SCAF1: variants seen among roughly 807,000 people sequenced by gnomAD.
SCAF1 encodes splicing factor, arginine/serine-rich 19.
In SCAF1, 28 loss-of-function variants were observed where a neutral mutation model predicts 91.2. The observed-to-expected ratio is 0.31, with a 90% CI of 0.23 to 0.42. The LOEUF (loss-of-function observed/expected upper bound fraction) is 0.42. Among genes scored for constraint, SCAF1 ranks in the 10% least tolerant of loss-of-function variants. SCAF1 has a pLI of 1.00. For missense variants in SCAF1, 1,893 were observed against 1,872.1 expected (o/e 1.01, Z -0.21); for synonymous variants, 1,036 against 833.7 (o/e 1.24, Z -4.18).
chr19:49,642,162 C>T (rs1439463394), upstream of SCAF1: 1 of 152,322 alleles, frequency 6.6e-6, no homozygotes, highest in South Asian at 2.1e-4. The surrounding 1 kb of genome is among the most constrained non-coding windows in gnomAD (Gnocchi z 4.0). Flanking sequence ...TTAGCTCCGC[C>T]TCTCTCCTCC....
At chr19:49,654,580 A>T (rs1211080712) in intron 8 of SCAF1, 72 bp from the exon 9 acceptor site, 3 of 1,391,600 alleles carry the variant, frequency 2.2e-6, no homozygotes, top group Non-Finnish European at 3.0e-6. Flanking sequence ...TCAGCGTGGG[A>T]ACAGTGGGGT....
chr19:49,648,515 T>G lies in SCAF1; in HGVS notation c.478+1685T>G, dbSNP rs1391224183. Reference sequence around the variant, plus strand: ...CTCAAGCAATCCTCCTGCCTTGGCCTCTCAAACTGCTGAGATCACAGGCAT... The same window carrying G: ...CTCAAGCAATCCTCCTGCCTTGGCCGCTCAAACTGCTGAGATCACAGGCAT... On this transcript the variant is annotated intron_variant, in intron 6 of 10. Coordinates refer to ENST00000360565, the MANE Select transcript of SCAF1 (RefSeq NM_021228.3). Among the ~76,000 whole-genome samples the G allele has an allele frequency of 2.0e-5, 3 of 150,182 alleles. No individual in the cohort carries two copies. The East Asian group carries it at 5.9e-4, about 30-fold the overall frequency.
chr19:49,653,428 G>T lies in SCAF1; in HGVS notation c.3039G>T (p.Glu1013Asp). 6.5e-7 allele frequency: 1 copy of T among 1,549,406 alleles called. No homozygotes were observed. Among genetic ancestry groups the T allele is most frequent in the Non-Finnish European group, 8.7e-7 (1 of 1,146,928 alleles). ...CCTTCCTGCCCGAGGAGGCCACTGA[G>T]GAGGCTGGGGTCCGAGGTGGGGCGG... is the stretch of plus-strand genomic sequence containing the variant. ...EVSFLPEEAT[E>D]EAGVRGGAEE... Residue 1013 changes from glutamate to aspartate, a missense_variant, in exon 7 of 11, where the codon GAG (glutamate) becomes GAT (aspartate). This residue lies in a region of SCAF1 where 1,436 missense variants were observed against 1,306.8 expected (regional missense o/e 1.10). Transcript: ENST00000360565.
intron 9 of SCAF1, among the ~76,000 whole-genome samples, chr19:49,656,175 G>A (rs1411735652): frequency 3.1e-5 from 2 of 64,796 alleles, no homozygotes; most frequent in African/African-American, 2.2e-4. Flanking sequence ...AGGACCCCCT[G>A]GTCTACAGTG....
At position 49,651,033 on chromosome 19, in the gene SCAF1, C is replaced by A; in HGVS notation, c.644C>A (p.Pro215His). The A allele has an allele frequency of 1.3e-6, 1 of 777,330 alleles. No individual in the cohort carries two copies. Among genetic ancestry groups the A allele is most frequent in the South Asian group, 1.8e-5 (1 of 56,704 alleles). The allele number at this position is 777,330 out of a possible 1,614,324, so 48.2% of individuals were successfully genotyped here. ...TCCCCTCCCCCACCCCCACCGCCCCCTGCACCCCCAGCCCCACCTGCCCCC... is the reference window on the plus strand; with the variant it reads ...TCCCCTCCCCCACCCCCACCGCCCCATGCACCCCCAGCCCCACCTGCCCCC... ...SPSPPPPPPPPAPPAPPAPRF... is the reference protein window; with the variant it reads ...SPSPPPPPPPHAPPAPPAPRF... Residue 215 changes from proline (P) to histidine (H), a missense_variant, in exon 7 of 11, where the codon CCT becomes CAT. Pro to His is a moderately conservative substitution (Grantham distance 77). Coordinates refer to ENST00000360565, the MANE Select transcript of SCAF1 (RefSeq NM_021228.3).
rs899938938 is a variant in SCAF1, at chr19:49,642,811, G to A, written c.-7+569G>A. ...ATCAGGCCTAGAAGGAGTGTTCAAG[G>A]GCTAAGAAGTCATTTAGGGCCCCCT... On this transcript the variant is annotated intron_variant, in intron 1 of 10. Coordinates refer to ENST00000360565, the MANE Select transcript of SCAF1 (RefSeq NM_021228.3). The surrounding 1 kb of genome is among the most constrained non-coding windows in gnomAD (Gnocchi z 4.0). 7 of 152,212 alleles carry A rather than the reference G, an allele frequency of 4.6e-5. No homozygotes were observed. Among genetic ancestry groups the A allele is most frequent in the Non-Finnish European group, 1.5e-5 (1 of 68,040 alleles). 9.4% of individuals were successfully genotyped at this position (152,212 alleles called of 1,614,324 possible). A position where few individuals can be genotyped will look rare whatever the true frequency, so the allele number is the denominator to read the frequency against.
Position 49,657,758 on chromosome 19 carries a change from C to A in SCAF1, c.3619-3C>A, listed in dbSNP as rs772771384. 2 of 1,598,526 alleles carry A rather than the reference C, an allele frequency of 1.3e-6. No homozygotes were observed. Among genetic ancestry groups the A allele is most frequent in the Non-Finnish European group, 1.7e-6 (2 of 1,172,100 alleles). Reference sequence around the variant, plus strand: ...TCTTCCCCCGCTGTCGCCACCCCACCAGTATCTGAAGAAGCTGCACACGCA... The same window carrying A: ...TCTTCCCCCGCTGTCGCCACCCCACAAGTATCTGAAGAAGCTGCACACGCA... On this transcript the variant is annotated splice_region_variant and splice_polypyrimidine_tract_variant and intron_variant, in intron 9 of 10. Transcript: ENST00000360565.
At position 49,651,484 on chromosome 19, in the gene SCAF1, C is replaced by T. The variant is rs1206339336; in HGVS notation, c.1095C>T (p.Gly365=). 1 of 1,580,624 alleles carries T rather than the reference C, an allele frequency of 6.3e-7. No individual in the cohort carries two copies. Among genetic ancestry groups the T allele is most frequent in the East Asian group, 2.3e-5 (1 of 43,366 alleles). Residue 365 remains glycine (G), a synonymous_variant, in exon 7 of 11, where the codon GGC becomes GGT. Transcript: ENST00000360565. ...CCGAGGCAGAGGCTTGTCGGGAAGGCAAGGTCTCGGTGGAGGTGGTGACCG... is the reference window on the plus strand; with the variant it reads ...CCGAGGCAGAGGCTTGTCGGGAAGGTAAGGTCTCGGTGGAGGTGGTGACCG... ...VGTEAEACRE[G]KVSVEVVTAG... is the part of the protein sequence containing the mutation.
chr19:49,651,316 C>T lies in SCAF1; in HGVS notation c.927C>T (p.Ser309=), dbSNP rs144023412. 3,334 of 1,610,432 alleles carry T rather than the reference C, an allele frequency of 2.1e-3. 9 individuals carry two copies. The highest frequency in any genetic ancestry group is 2.6e-3 in the Non-Finnish European group (3,073 of 1,179,842). Reference sequence around the variant, plus strand: ...TGGCGGGCATCTACGATGACAACAGCCTGAGCCAGGACTTCCCAGGTGACG... The same window carrying T: ...TGGCGGGCATCTACGATGACAACAGTCTGAGCCAGGACTTCCCAGGTGACG... The part of the protein sequence containing the change: ...ETLAGIYDDN[S]LSQDFPGDES... Residue 309 remains serine (S), a synonymous_variant, in exon 7 of 11, where the codon AGC becomes AGT. Transcript: ENST00000360565.
intron 9 of SCAF1, among the ~76,000 whole-genome samples, chr19:49,655,973 G>A (rs997866104): frequency 6.6e-6 from 1 of 152,216 alleles, no homozygotes; most frequent in African/African-American, 2.4e-5. Context: ...ACCCAGCCTA[G>A]ATGTGTTTTC....
Position 49,646,029 on chromosome 19 carries a change from C to G in SCAF1, c.167-79C>G, listed in dbSNP as rs2081052626. 2 of 1,328,472 alleles carry G rather than the reference C, an allele frequency of 1.5e-6. No individual in the cohort carries two copies. The highest frequency in any genetic ancestry group is 2.1e-6 in the Non-Finnish European group (2 of 930,440). The allele number at this position is 1,328,472 out of a possible 1,614,324, so 82.3% of individuals were successfully genotyped here. A position where few individuals can be genotyped will look rare whatever the true frequency, so the allele number is the denominator to read the frequency against. On this transcript the variant is annotated intron_variant, in intron 3 of 10. Coordinates refer to ENST00000360565, the MANE Select transcript of SCAF1 (RefSeq NM_021228.3). The surrounding 1 kb of genome is among the most constrained non-coding windows in gnomAD (Gnocchi z 5.6). ...CTGGTTCCGCTGTCAGGAACTAGAT[C>G]AAGCTCCTCTTTCCTCTACCCCGCA...
chr19:49,645,080 G>C lies in SCAF1; in HGVS notation c.54G>C (p.Arg18=), dbSNP rs1568440093. The C allele has an allele frequency of 3.1e-6, 5 of 1,614,166 alleles. No homozygotes were observed. In the East Asian group the frequency reaches 1.1e-4, roughly 36 times the overall value. Residue 18 remains arginine, a synonymous_variant, in exon 2 of 11, where the codon CGG becomes CGC. Transcript: ENST00000360565. The surrounding 1 kb of genome is among the most constrained non-coding windows in gnomAD (Gnocchi z 4.6). ...AGACAGAGGAGTCGGGGGAGGATCG[G>C]GGCGATGGTCCGCCAGACAGAGACC... ...RGKTEESGED[R]GDGPPDRDPT...
At chr19:49,656,743 C>G (rs1056106075) in intron 9 of SCAF1, among the ~76,000 whole-genome samples, 1 of 152,216 alleles carries the variant, frequency 6.6e-6, no homozygotes, top group Non-Finnish European at 1.5e-5. Context: ...TGGCCATCCC[C>G]CTTGGAACAG....
At chr19:49,643,290 A>T (rs1272926704) in intron 1 of SCAF1, among the ~76,000 whole-genome samples, 1 of 152,156 alleles carries the variant, frequency 6.6e-6, no homozygotes, top group Non-Finnish European at 1.5e-5. Flanking sequence ...ATCTGCATTA[A>T]GATACATTTT....
chr19:49,656,800 C>T (rs1416076732), intron 9 of SCAF1, among the ~76,000 whole-genome samples: 1 of 152,208 alleles, frequency 6.6e-6, no homozygotes, highest in Non-Finnish European at 1.5e-5. Flanking sequence ...CAGCCTGTGC[C>T]ATGTCCTCCA....
Position 49,651,738 on chromosome 19 carries a change from A to G in SCAF1, c.1349A>G (p.His450Arg). The change falls in exon 7 of 11, where the codon CAT becomes CGT. Residue 450 changes from histidine to arginine, a missense_variant. By Grantham distance (29) the His-to-Arg change is conservative. Around this residue, in one of 5 missense-constraint regions of SCAF1, gnomAD observed 1,436 missense variants for 1,306.8 expected, o/e 1.10. Coordinates refer to ENST00000360565, the MANE Select transcript of SCAF1 (RefSeq NM_021228.3). The stretch of plus-strand genomic sequence containing the variant: ...GAGGGGGACGACTTCTTGTCCCTGC[A>G]TGCGGAGTCGGACGGCGAGGGCGCC... ...APEGDDFLSLHAESDGEGALQ... is the reference protein window; with the variant it reads ...APEGDDFLSLRAESDGEGALQ... 7.4e-7 allele frequency: 1 copy of G among 1,349,592 alleles called. No individual in the cohort carries two copies. Among genetic ancestry groups the G allele is most frequent in the Non-Finnish European group, 9.4e-7 (1 of 1,058,622 alleles). The allele number at this position is 1,349,592 out of a possible 1,614,324, so 83.6% of individuals were successfully genotyped here.
At position 49,646,845 on chromosome 19, in the gene SCAF1, G is replaced by A. The variant is rs2081058501; in HGVS notation, c.478+15G>A. 3.8e-6 allele frequency: 6 copies of A among 1,591,398 alleles called. No individual in the cohort carries two copies. The African/African-American group carries it at 5.4e-5, about 14-fold the overall frequency. ...GGGCAAAACGGGTATGTGGGGCCAG[G>A]GCGGAGCTGGGCAGGTGGTCGTGGA... On this transcript the variant is annotated intron_variant, in intron 6 of 10. Coordinates refer to ENST00000360565, the MANE Select transcript of SCAF1 (RefSeq NM_021228.3). The surrounding 1 kb of genome is among the most constrained non-coding windows in gnomAD (Gnocchi z 5.6).
In SCAF1 at chr19:49,653,527, G is replaced by T; in HGVS notation, c.3138G>T (p.Thr1046=). 1 of 1,576,898 alleles carries T rather than the reference G, an allele frequency of 6.3e-7. No individual in the cohort carries two copies. Among genetic ancestry groups the T allele is most frequent in the African/African-American group, 1.3e-5 (1 of 74,458 alleles). ...EEEEQQPATT[T]ATSTAAAAPS... Reference sequence around the variant, plus strand: ...AGGAGCAGCAGCCTGCTACCACCACGGCCACCAGCACTGCTGCAGCCGCCC... The same window carrying T: ...AGGAGCAGCAGCCTGCTACCACCACTGCCACCAGCACTGCTGCAGCCGCCC... Residue 1046 remains threonine, a synonymous_variant, in exon 7 of 11, where the codon ACG becomes ACT. Transcript: ENST00000360565.
At chr19:49,644,879 GGGAGGAGGT>G in intron 1 of SCAF1, 133 bp from the exon 2 acceptor site, 1 of 623,126 alleles carries the variant, frequency 1.6e-6, no homozygotes, top group Non-Finnish European at 2.9e-6. Flanking sequence ...AGGGTGGAGT[GGGAGGAGGT>G]GGAGGAGAGG....
Sources: gnomAD v4.1 joint callset for allele counts (sites outside exome capture counted in the v4.1 genomes callset) on GRCh38, gnomAD v4.1.1 for gene constraint, gnomAD v4.1.1 regional missense constraint, Gnocchi (gnomAD v3.1) non-coding constraint, MANE v1.5 for transcripts, NCBI Gene and HGNC (gene_info 2026-07-23, HGNC 2026-07-21) for gene names.